MTMR7: variants seen among roughly 807,000 people sequenced by gnomAD.
MTMR7 encodes the protein phosphatidylinositol-3-phosphate phosphatase MTMR7.
A neutral mutation model predicts 81.2 loss-of-function variants in MTMR7; 76 were observed. The observed-to-expected ratio is 0.94, with a 90% confidence interval of 0.78 to 1.13. MTMR7 has a LOEUF of 1.13. Among genes scored for constraint, MTMR7 ranks in the 50% most tolerant of loss-of-function variants. MTMR7 has a pLI of 0.00. For synonymous variants in MTMR7, 372 were observed against 289.8 expected, an observed-to-expected ratio of 1.28 and a Z score of -2.88; for missense variants, 1,044 against 820.0, an observed-to-expected ratio of 1.27 and a Z score of -3.34.
At chr8:17,378,677 G>T (rs1294794362) in intron 1 of MTMR7, among the ~76,000 whole-genome samples, 1 of 152,136 alleles carries the variant, frequency 6.6e-6, no homozygotes, top group Admixed American at 6.5e-5. Flanking sequence ...GGAAATCTAT[G>T]CAAAAGATAT....
At chr8:17,412,819 G>C (rs1279468014) in intron 1 of MTMR7, among the ~76,000 whole-genome samples, 1 of 152,208 alleles carries the variant, frequency 6.6e-6, no homozygotes, top group African/African-American at 2.4e-5. Flanking sequence ...TGACACCCTA[G>C]ATTTAACAAG....
chr8:17,368,068 T>G (rs1425136899), intron 3 of MTMR7, among the ~76,000 whole-genome samples: 1 of 152,118 alleles, frequency 6.6e-6, no homozygotes, highest in African/African-American at 2.4e-5. Flanking sequence ...TGGAAGACAA[T>G]TTTTCTGTGG....
intron 1 of MTMR7, among the ~76,000 whole-genome samples, chr8:17,383,635 G>C (rs574962431): frequency 6.6e-6 from 1 of 152,334 alleles, no homozygotes; most frequent in Non-Finnish European, 1.5e-5. Context: ...TGAGATTTCA[G>C]TTAGAGAGGA....
rs1240240540 is a variant in MTMR7 at position 17,341,458 on chromosome 8, T to A, written c.637A>T (p.Ser213Cys). The A allele has an allele frequency of 6.2e-7, 1 of 1,614,000 alleles. No homozygotes were observed. The highest frequency in any genetic ancestry group is 8.5e-7 in the Non-Finnish European group (1 of 1,180,032). Residue 213 changes from serine (S) to cysteine (C), a missense_variant, in exon 6 of 14, where the codon AGT becomes TGT. Ser to Cys is a moderately radical substitution (Grantham distance 112, BLOSUM62 -1). Coordinates refer to ENST00000180173, the MANE Select transcript of MTMR7 (RefSeq NM_004686.5). ...TGCTCGTCCTCTAGGCACCGGGCACTGAAGCCGGACAGGGGCTGGCTGCTC... is the reference window on the plus strand; with the variant it reads ...TGCTCGTCCTCTAGGCACCGGGCACAGAAGCCGGACAGGGGCTGGCTGCTC... ...CRSSQPLSGF[S>C]ARCLEDEQML...
At position 17,305,813 on chromosome 8, in the gene MTMR7, A is replaced by G; in HGVS notation, c.1296T>C (p.Tyr432=). 1.2e-6 allele frequency: 2 copies of G among 1,613,704 alleles called. No individual in the cohort carries two copies. Among genetic ancestry groups the G allele is most frequent in the Non-Finnish European group, 1.7e-6 (2 of 1,179,702 alleles). ...ATAGGAAGTTTCCAAACTGGCAGGA[A>G]TAAATGTGATGTTGAATGTGAATCA... ...RFLIHIQHHI[Y]SCQFGNFLCN... is the part of the protein sequence containing the mutation. Residue 432 remains tyrosine (Y), a synonymous_variant, in exon 11 of 14, where the codon TAT becomes TAC. Coordinates refer to ENST00000180173, the MANE Select transcript of MTMR7 (RefSeq NM_004686.5).
chr8:17,351,669 T>C (rs183212201), intron 4 of MTMR7, among the ~76,000 whole-genome samples: 1 of 152,356 alleles, frequency 6.6e-6, no homozygotes, highest in Admixed American at 6.5e-5. Flanking sequence ...TATGAGGATT[T>C]CTGCCTTCCC....
chr8:17,411,946 G>T (rs1175799838), intron 1 of MTMR7, among the ~76,000 whole-genome samples: 1 of 152,340 alleles, frequency 6.6e-6, no homozygotes, highest in Admixed American at 6.5e-5. Context: ...CCCTTGGCAA[G>T]GGCAGAGTCC....
At chr8:17,361,400 T>G in intron 3 of MTMR7, 126 bp from the exon 4 acceptor site, 2 of 963,802 alleles carry the variant, frequency 2.1e-6, no homozygotes, top group African/African-American at 3.2e-5. Flanking sequence ...CCCAGCACAC[T>G]CTTGGGAGTA....
At chr8:17,309,355 G>A (rs760754379) in intron 9 of MTMR7, 29 bp from the exon 10 acceptor site, 2 of 1,480,958 alleles carry the variant, frequency 1.4e-6, no homozygotes, top group Non-Finnish European at 1.9e-6. Flanking sequence ...AAATATCTTG[G>A]AGAGAAGCAA....
At chr8:17,303,564 T>C (rs756703444) in intron 12 of MTMR7, among the ~76,000 whole-genome samples, 6 of 151,808 alleles carry the variant, frequency 4.0e-5, no homozygotes, top group Non-Finnish European at 8.8e-5. Flanking sequence ...CTAGTAGAAC[T>C]TGTAGGATGC....
chr8:17,372,911 G>T (rs894900322), intron 2 of MTMR7: 1 of 533,930 alleles, frequency 1.9e-6, no homozygotes, highest in African/African-American at 1.9e-5. Flanking sequence ...CTTCACTGAT[G>T]TTCAAATAAT....
intron 10 of MTMR7, 36 bp from the exon 11 acceptor site, chr8:17,305,993 A>G (rs781037572): frequency 2.0e-6 from 3 of 1,531,712 alleles, no homozygotes; most frequent in Non-Finnish European, 2.7e-6. Context: ...TTTAAGGCAG[A>G]TTTATTTTTA....
chr8:17,334,818 A>C lies in MTMR7; in HGVS notation c.733-3536T>G, dbSNP rs186225861. ...CAATGACAGGAGTTGAAATCTAAGG[A>C]AACTCTGTCGGCCTGGGGATCAGGG... is the stretch of plus-strand genomic sequence containing the variant. On this transcript the variant is annotated intron_variant, in intron 6 of 13. Transcript: ENST00000180173. Among the ~76,000 whole-genome samples, 394 of 152,326 alleles carry C rather than the reference A, an allele frequency of 2.6e-3. 3 individuals are homozygous for C. Among genetic ancestry groups the C allele is most frequent in the Non-Finnish European group, 4.1e-3 (279 of 68,016 alleles).
rs1277428058 is a variant in MTMR7, at chr8:17,297,654, T to C, written c.*2208A>G. 6.6e-6 allele frequency: 1 copy of C among 152,090 alleles called. No homozygotes were observed. The highest frequency in any genetic ancestry group is 2.4e-5 in the African/African-American group (1 of 41,458). The allele number at this position is 152,090 out of a possible 1,614,324, so 9.4% of individuals were successfully genotyped here. A position where few individuals can be genotyped will look rare whatever the true frequency, so the allele number is the denominator to read the frequency against. ...CTCAAATCAGTTTTATACTGGATTA[T>C]TCCCTATGCTTTAAACCACTGCTCT... On this transcript the variant is annotated 3_prime_UTR_variant, in exon 14 of 14. Transcript: ENST00000180173.
rs558769700 is a variant in MTMR7, at chr8:17,304,576, ATATGT to A, written c.1353-62_1353-58del. The A allele has an allele frequency of 1.4e-4, 213 of 1,540,636 alleles. No individual in the cohort carries two copies. In the African/African-American group the frequency reaches 2.6e-3, roughly 19 times the overall value. On this transcript the variant is annotated intron_variant, in intron 11 of 13. Coordinates refer to ENST00000180173, the MANE Select transcript of MTMR7 (RefSeq NM_004686.5). ...CTATTTTGGTGCTTACACACAGTAG[ATATGT>A]TATATTAATGCTGGAAAGGAACTAA...
intron 4 of MTMR7, among the ~76,000 whole-genome samples, chr8:17,353,762 A>C (rs2150551608): frequency 6.6e-6 from 1 of 152,214 alleles, no homozygotes; most frequent in East Asian, 1.9e-4. Context: ...GCCATTTTTT[A>C]AAATGAATAA....
At chr8:17,411,243 C>G (rs943115119) in intron 1 of MTMR7, among the ~76,000 whole-genome samples, 1 of 152,140 alleles carries the variant, frequency 6.6e-6, no homozygotes, top group Non-Finnish European at 1.5e-5. Context: ...TATATTTATA[C>G]AAGTACATGA....
rs140382776 is a variant in MTMR7, at chr8:17,320,774, G to A, written c.866-7373C>T. Among the ~76,000 whole-genome samples the A allele has an allele frequency of 5.9e-5, 9 of 152,274 alleles. No homozygotes were observed. In the East Asian group the frequency reaches 1.7e-3, roughly 29 times the overall value. On this transcript the variant is annotated intron_variant, in intron 7 of 13. Transcript: ENST00000180173. ...AAGCATCAGGCTCACTTCTGCCTATGCACGCGGCCCTGAAACACGGCCCAG... is the reference window on the plus strand; with the variant it reads ...AAGCATCAGGCTCACTTCTGCCTATACACGCGGCCCTGAAACACGGCCCAG...
intron 7 of MTMR7, among the ~76,000 whole-genome samples, chr8:17,317,122 G>A (rs1313453030): frequency 6.6e-6 from 1 of 152,134 alleles, no homozygotes; most frequent in Non-Finnish European, 1.5e-5. Flanking sequence ...GAATTTGCTT[G>A]CTTATATGTG....
Sources: allele counts gnomAD v4.1 joint callset (sites outside exome capture counted in the v4.1 genomes callset), GRCh38; gene constraint gnomAD v4.1.1; transcripts MANE v1.5; gene names NCBI Gene and HGNC (gene_info 2026-07-23, HGNC 2026-07-21).